STRADA: variants seen among roughly 807,000 people sequenced by gnomAD.
The protein encoded by STRADA is STE20-related kinase adapter protein alpha.
STRADA carries 26 observed loss-of-function variants against 55.0 expected under a neutral mutation model. That is an observed-to-expected ratio of 0.47 (90% CI 0.35 to 0.66). The LOEUF (loss-of-function observed/expected upper bound fraction) is 0.66. STRADA is among the 30% of genes least tolerant of loss of function. The pLI, the probability that STRADA is intolerant of heterozygous loss-of-function variation, is 0.01. For synonymous variants in STRADA, 197 were observed against 210.9 expected, an observed-to-expected ratio of 0.93 and a Z score of 0.57; for missense variants, 443 against 549.7, an observed-to-expected ratio of 0.81 and a Z score of 1.94.
intron 1 of STRADA, among the ~76,000 whole-genome samples, chr17:63,733,670 T>G (rs1432345542): frequency 1.3e-5 from 2 of 152,202 alleles, no homozygotes; most frequent in Non-Finnish European, 2.9e-5. Flanking sequence ...ATTTCCCATT[T>G]TCCTAAAAAT....
intron 8 of STRADA, 157 bp downstream of exon 8, chr17:63,710,333 GC>G (rs2036413805): frequency 7.8e-7 from 1 of 1,280,982 alleles, no homozygotes; most frequent in Admixed American, 2.3e-5. Flanking sequence ...ATCGCGCTGG[GC>G]CCTGTTTCTT....
At chr17:63,741,213 C>T (rs2038919656) in intron 1 of STRADA, 2 of 152,252 alleles carry the variant, frequency 1.3e-5, no homozygotes. Context: ...CAACCCCCAT[C>T]TCCGGCGCCC....
intron 1 of STRADA, among the ~76,000 whole-genome samples, chr17:63,730,933 C>T (rs762087023): frequency 4.6e-5 from 7 of 151,804 alleles, no homozygotes; most frequent in African/African-American, 7.3e-5. Flanking sequence ...TGAGCCACTG[C>T]GCCTGGCCCT....
chr17:63,716,080 C>G (rs1285930506), intron 4 of STRADA, among the ~76,000 whole-genome samples: 1 of 151,748 alleles, frequency 6.6e-6, no homozygotes, highest in Non-Finnish European at 1.5e-5. Context: ...TACACTCCCA[C>G]CAGCAACGTA....
chr17:63,739,950 C>A (rs1394596787), intron 1 of STRADA, among the ~76,000 whole-genome samples: 6 of 147,480 alleles, frequency 4.1e-5, no homozygotes, highest in Non-Finnish European at 8.9e-5. Context: ...CGGCAGTGCA[C>A]CAGGCACCCC....
intron 4 of STRADA, among the ~76,000 whole-genome samples, chr17:63,721,414 CAAAAA>C (rs34413372): frequency 1.5e-5 from 2 of 133,616 alleles, no homozygotes; most frequent in Non-Finnish European, 3.2e-5. Context: ...AGCTCCATCT[CAAAAA>C]AAAAAAAAAA....
chr17:63,739,750 C>G (rs1040478688), intron 1 of STRADA, among the ~76,000 whole-genome samples: 1 of 98,582 alleles, frequency 1.0e-5, no homozygotes, highest in Non-Finnish European at 1.9e-5. Context: ...CATATTGATA[C>G]ATTATATATT....
chr17:63,731,089 G>T (rs375199840), intron 1 of STRADA, among the ~76,000 whole-genome samples: 3 of 151,424 alleles, frequency 2.0e-5, no homozygotes, highest in African/African-American at 7.3e-5. Context: ...GACTACAGGC[G>T]TGCGCCACCA....
At position 63,726,995 on chromosome 17, in the gene STRADA, G is replaced by C. The variant is rs112675737; in HGVS notation, c.37-300C>G. 3.4e-3 allele frequency: 1,261 copies of C among 375,506 alleles called. 14 individuals are homozygous for C. The highest frequency in any genetic ancestry group is 0.023 in the African/African-American group (1,096 of 47,750). 23.3% of individuals were successfully genotyped at this position (375,506 alleles called of 1,614,324 possible). The stretch of plus-strand genomic sequence containing the variant: ...TCCCTATATTGGTTCCATCTTACTC[G>C]TTCTACATTACAGATGCCTTGGATC... On this transcript the variant is annotated intron_variant, in intron 2 of 12. Coordinates refer to ENST00000336174, the MANE Select transcript of STRADA (RefSeq NM_001003787.4).
intron 1 of STRADA, among the ~76,000 whole-genome samples, chr17:63,740,127 T>TATATATATAC (rs1246578359): frequency 7.5e-5 from 4 of 53,164 alleles, no homozygotes; most frequent in Admixed American, 4.2e-4. Flanking sequence ...CATATATATA[T>TATATATATAC]ACACATACAT....
intron 4 of STRADA, among the ~76,000 whole-genome samples, chr17:63,722,580 C>T (rs1440040600): frequency 6.6e-6 from 1 of 152,242 alleles, no homozygotes; most frequent in East Asian, 1.9e-4. Context: ...GTCAACATCA[C>T]TGTCCTTCAC....
At chr17:63,720,969 G>A (rs942974344) in intron 4 of STRADA, among the ~76,000 whole-genome samples, 1 of 151,676 alleles carries the variant, frequency 6.6e-6, no homozygotes, top group Non-Finnish European at 1.5e-5. Flanking sequence ...GGTGGCACAT[G>A]TCTGTAATCC....
At chr17:63,730,331 T>C (rs2037947273) in intron 1 of STRADA, among the ~76,000 whole-genome samples, 2 of 152,108 alleles carry the variant, frequency 1.3e-5, no homozygotes, top group Admixed American at 6.6e-5. Context: ...GTTGCCTTCA[T>C]AGGGCCCTCC....
At chr17:63,712,440 T>C (rs1483106258) in intron 6 of STRADA, 2 of 152,156 alleles carry the variant, frequency 1.3e-5, no homozygotes, top group Non-Finnish European at 2.9e-5. Flanking sequence ...GGACTGGGCA[T>C]AGTGGCTCAC....
intron 1 of STRADA, among the ~76,000 whole-genome samples, chr17:63,739,779 T>TATTATATATGTAC (rs1383329776): frequency 1.4e-5 from 2 of 141,198 alleles, no homozygotes; most frequent in East Asian, 2.3e-4. Flanking sequence ...TATGTACATA[T>TATTATATATGTAC]ATACATATAA....
chr17:63,740,183 C>CACACACA (rs765305938), intron 1 of STRADA, among the ~76,000 whole-genome samples: 6 of 140,402 alleles, frequency 4.3e-5, no homozygotes, highest in African/African-American at 1.6e-4. Flanking sequence ...CACACACACA[C>CACACACA]AACAAAGCAA....
At chr17:63,712,477 C>A (rs1018437372) in intron 6 of STRADA, 2 of 152,160 alleles carry the variant, frequency 1.3e-5, no homozygotes, top group Non-Finnish European at 2.9e-5. Context: ...TTTTGGGAGA[C>A]TGAGGTGAGT....
intron 1 of STRADA, among the ~76,000 whole-genome samples, chr17:63,740,425 C>G (rs2038857161): frequency 6.6e-6 from 1 of 151,800 alleles, no homozygotes; most frequent in African/African-American, 2.4e-5. Flanking sequence ...GGCAGGATAA[C>G]TGCTTGTACC....
chr17:63,717,900 A>C (rs184398169), intron 4 of STRADA, among the ~76,000 whole-genome samples: 42 of 152,232 alleles, frequency 2.8e-4, no homozygotes, highest in African/African-American at 1.0e-3. Context: ...GGCGTGAGCC[A>C]CCATGCCTGG....
Sources: gnomAD v4.1 joint callset for allele counts (sites outside exome capture counted in the v4.1 genomes callset) on GRCh38, gnomAD v4.1.1 for gene constraint, MANE v1.5 for transcripts, NCBI Gene and HGNC (gene_info 2026-07-23, HGNC 2026-07-21) for gene names.